The following BAALC variants were observed in gnomAD, a reference collection of about 807,000 sequenced individuals.
BAALC encodes the protein BAALC binder of MAP3K1 and KLF4.
In BAALC, 9 loss-of-function variants were observed where a neutral mutation model predicts 15.5. The observed-to-expected ratio is 0.58, with a 90% CI of 0.35 to 1.02. The LOEUF (loss-of-function observed/expected upper bound fraction) is 1.02. Ranked by LOEUF, BAALC falls within the 50% of genes least tolerant of loss-of-function variation. The pLI is 0.02. For missense variants in BAALC, 201 were observed against 192.4 expected, an observed-to-expected ratio of 1.04 and a Z score of -0.27; for synonymous variants, 80 against 74.6, an observed-to-expected ratio of 1.07 and a Z score of -0.37.
intron 1 of BAALC, among the ~76,000 whole-genome samples, chr8:103,178,685 T>C (rs866698041): frequency 3.9e-5 from 6 of 151,956 alleles, no homozygotes; most frequent in East Asian, 1.9e-4. Context: ...GGTGAAACCC[T>C]GTCTCTACTA....
At position 103,213,126 on chromosome 8, in the gene BAALC, G is replaced by A. The variant is rs530201343; in HGVS notation, c.327+41G>A. ...CAGAATCAACTGGGGACTGGAGAAT[G>A]GGGGTAGGGCTTGCTTCAGGGCAGA... On this transcript the variant is annotated intron_variant, in intron 2 of 2. Coordinates refer to ENST00000309982, the MANE Select transcript of BAALC (RefSeq NM_024812.3). 4.4e-6 allele frequency: 7 copies of A among 1,603,610 alleles called. No individual in the cohort carries two copies. The Admixed American group carries it at 1.0e-4, about 23-fold the overall frequency.
intron 1 of BAALC, among the ~76,000 whole-genome samples, chr8:103,182,162 G>A (rs1300618058): frequency 2.0e-5 from 3 of 152,068 alleles, no homozygotes; most frequent in Non-Finnish European, 2.9e-5. Flanking sequence ...AGCCTCCAAG[G>A]AACCCCCATT....
chr8:103,207,329 C>T (rs2130050118), intron 1 of BAALC, among the ~76,000 whole-genome samples: 1 of 152,276 alleles, frequency 6.6e-6, no homozygotes, highest in Middle Eastern at 3.4e-3. Context: ...ATTACTAAAT[C>T]TCAAAGAAGT....
intron 1 of BAALC, among the ~76,000 whole-genome samples, chr8:103,179,136 C>T (rs145974227): frequency 7.8e-4 from 119 of 152,302 alleles, no homozygotes; most frequent in African/African-American, 2.8e-3. Flanking sequence ...AACTGTTTGG[C>T]CCTAATCAAA....
intron 1 of BAALC, among the ~76,000 whole-genome samples, chr8:103,211,643 T>C (rs1812447906): frequency 6.6e-6 from 1 of 152,236 alleles, no homozygotes; most frequent in South Asian, 2.1e-4. Context: ...TTTTTGTAAC[T>C]GAAGTTTCCT....
intron 2 of BAALC, among the ~76,000 whole-genome samples, chr8:103,221,502 A>G (rs1049235162): frequency 6.6e-6 from 1 of 151,752 alleles, no homozygotes; most frequent in Non-Finnish European, 1.5e-5. Flanking sequence ...ATAGAAACAC[A>G]TTTTCTTTTC....
intron 1 of BAALC, among the ~76,000 whole-genome samples, chr8:103,211,267 G>A (rs1009299605): frequency 2.6e-5 from 4 of 152,098 alleles, no homozygotes; most frequent in Non-Finnish European, 5.9e-5. Context: ...TTTCTATCCT[G>A]CATTTCCTAA....
chr8:103,171,781 G>A (rs1306142897), intron 1 of BAALC, among the ~76,000 whole-genome samples: 2 of 152,150 alleles, frequency 1.3e-5, no homozygotes, highest in South Asian at 2.1e-4. Flanking sequence ...TTTACCTCTC[G>A]TGTCAGAGTG....
intron 2 of BAALC, among the ~76,000 whole-genome samples, chr8:103,214,569 G>C (rs1812518284): frequency 6.6e-6 from 1 of 152,188 alleles, no homozygotes; most frequent in African/African-American, 2.4e-5. Flanking sequence ...ATATCAGTGA[G>C]TTGCCTCTCT....
At chr8:103,169,739 C>A (rs1046554632) in intron 1 of BAALC, among the ~76,000 whole-genome samples, 2 of 152,182 alleles carry the variant, frequency 1.3e-5, no homozygotes, top group Non-Finnish European at 2.9e-5. Context: ...ATAGCCCCGA[C>A]CTCAATTGTT....
rs191647125 is a variant in BAALC, at chr8:103,228,375, C to T, written c.*276C>T. Reference sequence around the variant, plus strand: ...TTGTCTCTTTGCAACTCCTGTAATACGGTCTGGTGTAAAAGTAGTGAGTTA... The same window carrying T: ...TTGTCTCTTTGCAACTCCTGTAATATGGTCTGGTGTAAAAGTAGTGAGTTA... On this transcript the variant is annotated 3_prime_UTR_variant, in exon 3 of 3. Coordinates refer to ENST00000309982, the MANE Select transcript of BAALC (RefSeq NM_024812.3). 3.2e-4 allele frequency: 107 copies of T among 334,540 alleles called. 1 individual carries two copies. The highest frequency in any genetic ancestry group is 8.1e-4 in the Middle Eastern group (1 of 1,236). 20.7% of individuals were successfully genotyped at this position (334,540 alleles called of 1,614,324 possible). A position where few individuals can be genotyped will look rare whatever the true frequency, so the allele number is the denominator to read the frequency against.
chr8:103,182,508 G>A (rs1428552802), intron 1 of BAALC, among the ~76,000 whole-genome samples: 3 of 152,240 alleles, frequency 2.0e-5, no homozygotes, highest in Admixed American at 6.5e-5. Context: ...GATTTAACAT[G>A]AAGTAAGTAA....
At chr8:103,222,076 G>T (rs901979592) in intron 2 of BAALC, among the ~76,000 whole-genome samples, 1 of 152,186 alleles carries the variant, frequency 6.6e-6, no homozygotes, top group Non-Finnish European at 1.5e-5. Context: ...AACATTTTCT[G>T]GTTGAGTTTG....
chr8:103,212,991 A>C lies in BAALC; in HGVS notation c.233A>C (p.Glu78Ala). The C allele has an allele frequency of 1.2e-6, 2 of 1,614,162 alleles. No homozygotes were observed. The highest frequency in any genetic ancestry group is 1.7e-6 in the Non-Finnish European group (2 of 1,179,988). Reference protein sequence around the residue: ...STAPGGIPNPEKKTNCETQCP... With the variant: ...STAPGGIPNPAKKTNCETQCP... ...GCCCCAGGTGGAATACCCAACCCAG[A>C]GAAGAAGACGAACTGTGAGACCCAG... The change falls in exon 2 of 3, where the codon GAG (glutamate) becomes GCG (alanine). Residue 78 changes from glutamate (E) to alanine (A), a missense_variant. Glu to Ala is a moderately radical substitution (Grantham distance 107, BLOSUM62 -1). Coordinates refer to ENST00000309982, the MANE Select transcript of BAALC (RefSeq NM_024812.3).
intron 1 of BAALC, among the ~76,000 whole-genome samples, chr8:103,162,030 G>A (rs562919184): frequency 6.6e-6 from 1 of 152,228 alleles, no homozygotes; most frequent in South Asian, 2.1e-4. Flanking sequence ...ATACGATCAA[G>A]GTTCACTGCA....
chr8:103,202,587 G>A (rs541379394), intron 1 of BAALC, among the ~76,000 whole-genome samples: 3 of 152,218 alleles, frequency 2.0e-5, no homozygotes, highest in South Asian at 2.1e-4. Flanking sequence ...ATGATTCAAG[G>A]AGACACAAAG....
chr8:103,222,340 A>G (rs1393118399), intron 2 of BAALC, among the ~76,000 whole-genome samples: 1 of 152,234 alleles, frequency 6.6e-6, no homozygotes, highest in African/African-American at 2.4e-5. Context: ...TCTGTGGGGC[A>G]ATTTCAAGAT....
At chr8:103,214,857 G>T (rs985605931) in intron 2 of BAALC, 1 of 152,260 alleles carries the variant, frequency 6.6e-6, no homozygotes, top group Non-Finnish European at 1.5e-5. Context: ...AATGAGGGGT[G>T]TAGACTTCAG....
intron 1 of BAALC, among the ~76,000 whole-genome samples, chr8:103,142,081 T>C (rs1810790753): frequency 6.6e-6 from 1 of 152,248 alleles, no homozygotes; most frequent in African/African-American, 2.4e-5. Context: ...ACTGATATTA[T>C]TGGCATTTTT....
Sources: gnomAD v4.1 joint callset for allele counts (sites outside exome capture counted in the v4.1 genomes callset) on GRCh38, gnomAD v4.1.1 for gene constraint, MANE v1.5 for transcripts, NCBI Gene and HGNC (gene_info 2026-07-23, HGNC 2026-07-21) for gene names.